The following LRRC61 variants were observed in gnomAD, a reference collection of about 807,000 sequenced individuals.
The protein encoded by LRRC61 is leucine-rich repeat-containing protein 61.
LRRC61 carries 9 observed loss-of-function variants against 15.1 expected under a neutral mutation model. The ratio of observed to expected loss-of-function variants is 0.60; its 90% CI spans 0.36 to 1.04. The LOEUF (loss-of-function observed/expected upper bound fraction) is 1.04. LRRC61 is among the 50% of genes least tolerant of loss of function. The pLI is 0.01. For missense variants in LRRC61, 344 were observed against 335.6 expected (o/e 1.03, Z -0.20); for synonymous variants, 173 against 158.6 (o/e 1.09, Z -0.68).
rs1006563182 is a variant in LRRC61 at position 150,337,844 on chromosome 7, G to T, written c.*203G>T. 9 of 624,646 alleles carry T rather than the reference G, an allele frequency of 1.4e-5. No homozygotes were observed. The Admixed American group carries it at 2.4e-4, about 17-fold the overall frequency. 38.7% of individuals were successfully genotyped at this position (624,646 alleles called of 1,614,324 possible). A position where few individuals can be genotyped will look rare whatever the true frequency, so the allele number is the denominator to read the frequency against. ...ACAGACTGAAGGGCTGTGAGCAGGT[G>T]TAAGGGCTCCCACATCCGTGAGCCT... On this transcript the variant is annotated 3_prime_UTR_variant, in exon 3 of 3. Transcript: ENST00000359623.
Position 150,337,530 on chromosome 7 carries a change from C to T in LRRC61, c.669C>T (p.Phe223=). 2 of 1,604,490 alleles carry T rather than the reference C, an allele frequency of 1.2e-6. No homozygotes were observed. Among genetic ancestry groups the T allele is most frequent in the Non-Finnish European group, 1.7e-6 (2 of 1,178,594 alleles). Reference sequence around the variant, plus strand: ...TCCTGGAGGAGGCCTGCCGGCAGTTCCAGGACACACTGCAGGAGTGCTGGG... The same window carrying T: ...TCCTGGAGGAGGCCTGCCGGCAGTTTCAGGACACACTGCAGGAGTGCTGGG... ...SSILEEACRQ[F]QDTLQECWDL... The change falls in exon 3 of 3, where the codon TTC becomes TTT. Residue 223 remains phenylalanine, a synonymous_variant. Transcript: ENST00000359623.
chr7:150,323,691 C>T (rs1354983198), intron 1 of LRRC61, 131 bp downstream of exon 1: 1 of 456,250 alleles, frequency 2.2e-6, no homozygotes, highest in Non-Finnish European at 4.4e-6. Context: ...CCAGAATCTT[C>T]CGGAACAGCC....
chr7:150,311,324 A>G, the LRRC61 span, among the ~76,000 whole-genome samples: 1 of 152,138 alleles, frequency 6.6e-6, no homozygotes, highest in Non-Finnish European at 1.5e-5. Context: ...TTCTATCCAA[A>G]CAACTTGACC....
chr7:150,337,753 T>C lies in LRRC61; in HGVS notation c.*112T>C, dbSNP rs186582431. On this transcript the variant is annotated 3_prime_UTR_variant, in exon 3 of 3. Coordinates refer to ENST00000359623, the MANE Select transcript of LRRC61 (RefSeq NM_001142928.2). The stretch of plus-strand genomic sequence containing the variant: ...CACACTGGTCACTGGCCCTGCACAC[T>C]GGGCTATTGCTTTATCCCTATCCTG... 48 of 1,114,590 alleles carry C rather than the reference T, an allele frequency of 4.3e-5. No individual in the cohort carries two copies. The Admixed American group carries it at 9.6e-4, about 22-fold the overall frequency. 69.0% of individuals were successfully genotyped at this position (1,114,590 alleles called of 1,614,324 possible).
At position 150,336,875 on chromosome 7, in the gene LRRC61, C is replaced by T. The variant is rs746962899; in HGVS notation, c.14C>T (p.Ala5Val). 8.7e-6 allele frequency: 14 copies of T among 1,611,922 alleles called. No homozygotes were observed. The highest frequency in any genetic ancestry group is 2.2e-5 in the East Asian group (1 of 44,890). MDPP[A>V]EKPGEAGGLQ... ...GACTTCCATCTCATGGACCCTCCAGCGGAGAAGCCGGGAGAGGCTGGCGGA... is the reference window on the plus strand; with the variant it reads ...GACTTCCATCTCATGGACCCTCCAGTGGAGAAGCCGGGAGAGGCTGGCGGA... The change falls in exon 3 of 3, where the codon GCG becomes GTG. Residue 5 changes from alanine to valine, a missense_variant. Physicochemically the swap from Ala to Val is moderately conservative, Grantham distance 64. Transcript: ENST00000359623.
At chr7:150,310,859 T>C in the LRRC61 span, among the ~76,000 whole-genome samples, 1 of 152,156 alleles carries the variant, frequency 6.6e-6, no homozygotes, top group Non-Finnish European at 1.5e-5. Context: ...AACACTATCC[T>C]ACTTCTTCAA....
In LRRC61 at chr7:150,335,919, C is replaced by A. The variant is rs1446475197; in HGVS notation, c.-144-799C>A. Among the ~76,000 whole-genome samples, 2 of 152,182 alleles carry A rather than the reference C, an allele frequency of 1.3e-5. No individual in the cohort carries two copies. The highest frequency in any genetic ancestry group is 2.9e-5 in the Non-Finnish European group (2 of 68,028). ...CCTTCCCTCCCTCCAAGACAGCCTG[C>A]CCTTTGGGAAATTTATGTTGTCTTT... is the stretch of plus-strand genomic sequence containing the variant. On this transcript the variant is annotated intron_variant, in intron 2 of 2. Coordinates refer to ENST00000359623, the MANE Select transcript of LRRC61 (RefSeq NM_001142928.2). The surrounding 1 kb of genome is among the most constrained non-coding windows in gnomAD (Gnocchi z 4.3).
chr7:150,313,301 G>C, the LRRC61 span, among the ~76,000 whole-genome samples: 1 of 152,156 alleles, frequency 6.6e-6, no homozygotes, highest in African/African-American at 2.4e-5. Context: ...AGAAAGGTGG[G>C]ACAACTTGAA....
intron 2 of LRRC61, among the ~76,000 whole-genome samples, chr7:150,328,988 C>T (rs1432762451): frequency 6.6e-6 from 1 of 152,132 alleles, no homozygotes; most frequent in East Asian, 1.9e-4. Flanking sequence ...TGTCTCTGCA[C>T]CTTAGTCTAA....
the LRRC61 span, among the ~76,000 whole-genome samples, chr7:150,310,192 A>G: frequency 6.6e-6 from 1 of 152,060 alleles, no homozygotes; most frequent in Admixed American, 6.6e-5. Flanking sequence ...CTTTTGCCCA[A>G]TTCAAGGCCT....
At chr7:150,334,044 G>A (rs13234482) in intron 2 of LRRC61, 10,466 of 985,364 alleles carry the variant, frequency 0.011, 57 homozygotes, top group Non-Finnish European at 0.012. Context: ...TTTCTGTCCC[G>A]GTGGGGTCTT....
rs537027329 is a variant in LRRC61 at position 150,336,755 on chromosome 7, C to T, written c.-107C>T. ...TTCGAGCAGGGCATCGGAACCAGGCCTCCTGGCACTGGCCTGGGTAGAGCC... is the reference window on the plus strand; with the variant it reads ...TTCGAGCAGGGCATCGGAACCAGGCTTCCTGGCACTGGCCTGGGTAGAGCC... On this transcript the variant is annotated 5_prime_UTR_variant, in exon 3 of 3. Coordinates refer to ENST00000359623, the MANE Select transcript of LRRC61 (RefSeq NM_001142928.2). The T allele has an allele frequency of 2.1e-6, 3 of 1,452,976 alleles. No homozygotes were observed. Among genetic ancestry groups the T allele is most frequent in the East Asian group, 2.3e-5 (1 of 43,690 alleles). The allele number at this position is 1,452,976 out of a possible 1,614,324, so 90.0% of individuals were successfully genotyped here. A position where few individuals can be genotyped will look rare whatever the true frequency, so the allele number is the denominator to read the frequency against.
chr7:150,314,861 C>A, the LRRC61 span, among the ~76,000 whole-genome samples: 1 of 149,678 alleles, frequency 6.7e-6, no homozygotes, highest in African/African-American at 2.4e-5. Context: ...CGGAGGCGAG[C>A]GGCTCACTTG....
chr7:150,330,271 A>G lies in LRRC61; in HGVS notation c.-145+4261A>G, dbSNP rs1798064485. ...TGGGTCTCGGCCTACCACCTGCTGG[A>G]GTGGCTGGTGGAGCAGCAGCAGCCC... On this transcript the variant is annotated intron_variant, in intron 2 of 2. Coordinates refer to ENST00000359623, the MANE Select transcript of LRRC61 (RefSeq NM_001142928.2). This position sits in a 1 kb window ranked among gnomAD's most constrained non-coding sequence, Gnocchi z 4.6. The G allele has an allele frequency of 1.6e-6, 1 of 641,386 alleles. No individual in the cohort carries two copies. The highest frequency in any genetic ancestry group is 1.8e-5 in the African/African-American group (1 of 55,130). 39.7% of individuals were successfully genotyped at this position (641,386 alleles called of 1,614,324 possible).
At chr7:150,323,686 A>T in intron 1 of LRRC61, 126 bp downstream of exon 1, 1 of 456,390 alleles carries the variant, frequency 2.2e-6, no homozygotes, top group Non-Finnish European at 4.4e-6. Flanking sequence ...AGAGGCCAGA[A>T]TCTTCCGGAA....
At chr7:150,310,167 C>T in the LRRC61 span, among the ~76,000 whole-genome samples, 1 of 152,168 alleles carries the variant, frequency 6.6e-6, no homozygotes, top group African/African-American at 2.4e-5. Flanking sequence ...GCTACAGCCA[C>T]ACCTCACTGC....
chr7:150,324,963 T>A (rs1160907300), intron 1 of LRRC61, among the ~76,000 whole-genome samples: 1 of 152,204 alleles, frequency 6.6e-6, no homozygotes, highest in African/African-American at 2.4e-5. Context: ...TCCTTGTCTC[T>A]CCCCTCTGCC....
At chr7:150,316,533 G>A in the LRRC61 span, among the ~76,000 whole-genome samples, 4 of 148,780 alleles carry the variant, frequency 2.7e-5, no homozygotes, top group Admixed American at 6.7e-5. Flanking sequence ...GTTGCCAGGC[G>A]GGAGTGCAGT....
rs909202638 is a variant in LRRC61, at chr7:150,330,096, C to T, written c.-145+4086C>T. 5.5e-6 allele frequency: 2 copies of T among 364,808 alleles called. No individual in the cohort carries two copies. Among genetic ancestry groups the T allele is most frequent in the Non-Finnish European group, 5.0e-6 (1 of 200,090 alleles). 22.6% of individuals were successfully genotyped at this position (364,808 alleles called of 1,614,324 possible). A position where few individuals can be genotyped will look rare whatever the true frequency, so the allele number is the denominator to read the frequency against. ...CTCCCTGGTGAGAAACTTTCTGTGT[C>T]ACCCTCACAGTGTCCAGATCATCCT... On this transcript the variant is annotated intron_variant, in intron 2 of 2. Transcript: ENST00000359623. This position sits in a 1 kb window ranked among gnomAD's most constrained non-coding sequence, Gnocchi z 4.6.
Sources: gnomAD v4.1 joint callset for allele counts (sites outside exome capture counted in the v4.1 genomes callset) on GRCh38, gnomAD v4.1.1 for gene constraint, Gnocchi (gnomAD v3.1) non-coding constraint, MANE v1.5 for transcripts, NCBI Gene and HGNC (gene_info 2026-07-23, HGNC 2026-07-21) for gene names.